Variants in NLGN1 observed in about 807,000 individuals in gnomAD.
NLGN1 encodes neuroligin-1.
Under a neutral mutation model 65.5 loss-of-function variants are expected in NLGN1, and 12 were observed. That is an observed-to-expected ratio of 0.18 (90% CI 0.12 to 0.30). The LOEUF is 0.30. NLGN1 is among the 10% of genes least tolerant of loss of function. NLGN1 has a pLI of 1.00. For synonymous variants in NLGN1, 350 were observed against 359.5 expected (o/e 0.97, Z 0.30); for missense variants, 750 against 1,007.1 (o/e 0.74, Z 3.46).
chr3:173,662,219 T>C (rs1577812147), intron 3 of NLGN1, among the ~76,000 whole-genome samples: 1 of 152,194 alleles, frequency 6.6e-6, no homozygotes, highest in East Asian at 1.9e-4. Context: ...CCAATTCCAT[T>C]GCCAAATAGG....
intron 4 of NLGN1, among the ~76,000 whole-genome samples, chr3:174,183,697 C>G (rs568395663): frequency 6.6e-6 from 1 of 152,146 alleles, no homozygotes; most frequent in Non-Finnish European, 1.5e-5. Context: ...CATGTGCACA[C>G]ATACACAACA....
In NLGN1 at chr3:173,418,171, T is replaced by G. The variant is rs541455438; in HGVS notation, c.-389-16839T>G. 7.1e-5 allele frequency among the ~76,000 whole-genome samples: 10 copies of G among 140,160 alleles called. No individual in the cohort carries two copies. The South Asian group carries it at 2.3e-3, about 32-fold the overall frequency. 92.0% of individuals were successfully genotyped at this position (140,160 alleles called of 152,430 possible). The stretch of plus-strand genomic sequence containing the variant: ...CTTTCACATATTAATATGTGAAATA[T>G]TAGAAGGCATAATTATAATATAATT... On this transcript the variant is annotated intron_variant, in intron 1 of 6. Transcript: ENST00000457714.
At chr3:173,490,667 C>G (rs1174304795) in intron 2 of NLGN1, among the ~76,000 whole-genome samples, 2 of 152,126 alleles carry the variant, frequency 1.3e-5, no homozygotes, top group East Asian at 3.8e-4. Context: ...GGCATTGAAT[C>G]TATAAATTAC....
At chr3:173,914,780 T>C (rs368987886) in intron 4 of NLGN1, 1 of 152,284 alleles carries the variant, frequency 6.6e-6, no homozygotes, top group Non-Finnish European at 1.5e-5. Context: ...TTTCCTGATA[T>C]AGGCTCTTCA....
chr3:173,622,735 G>A (rs1034999271), intron 3 of NLGN1, among the ~76,000 whole-genome samples: 12 of 152,054 alleles, frequency 7.9e-5, no homozygotes, highest in Non-Finnish European at 1.3e-4. Context: ...TTACACCCAT[G>A]GCATTTAACA....
chr3:173,781,709 G>A (rs577372725), intron 3 of NLGN1, among the ~76,000 whole-genome samples: 2 of 152,136 alleles, frequency 1.3e-5, no homozygotes, highest in African/African-American at 4.8e-5. Context: ...GGATTTGTAG[G>A]ACAAATATGT....
intron 4 of NLGN1, among the ~76,000 whole-genome samples, chr3:173,996,021 G>A (rs1424485343): frequency 2.0e-5 from 3 of 152,028 alleles, no homozygotes; most frequent in Admixed American, 6.6e-5. Flanking sequence ...AATCACTTTA[G>A]TTTGTTTTAA....
At chr3:174,178,393 T>G (rs751404668) in intron 4 of NLGN1, among the ~76,000 whole-genome samples, 1 of 152,132 alleles carries the variant, frequency 6.6e-6, no homozygotes, top group Non-Finnish European at 1.5e-5. Flanking sequence ...ATGGAACAGA[T>G]GAAAGTGCCC....
chr3:173,579,833 G>A (rs1377202646), intron 2 of NLGN1, among the ~76,000 whole-genome samples: 1 of 152,028 alleles, frequency 6.6e-6, no homozygotes, highest in East Asian at 1.9e-4. Context: ...CTTAATATGA[G>A]GTTACATCAG....
At chr3:174,236,239 T>A (rs1252159954) in intron 4 of NLGN1, among the ~76,000 whole-genome samples, 2 of 152,138 alleles carry the variant, frequency 1.3e-5, no homozygotes, top group Non-Finnish European at 2.9e-5. Context: ...AATACCAGTA[T>A]GTTACTCGAA....
Position 173,547,425 on chromosome 3 carries a change from G to T in NLGN1, c.-320-56854G>T, listed in dbSNP as rs1031826346. On this transcript the variant is annotated intron_variant, in intron 2 of 6. Coordinates refer to ENST00000457714, the Ensembl canonical transcript of NLGN1. ...TCGGGTCATTATGCCTTTGATAAAT[G>T]AATGTGCTGCGGAGCCTGGGTTTCC... Among the ~76,000 whole-genome samples the T allele has an allele frequency of 2.6e-5, 4 of 152,142 alleles. No individual in the cohort carries two copies. In the East Asian group the frequency reaches 7.7e-4, roughly 29 times the overall value.
intron 4 of NLGN1, among the ~76,000 whole-genome samples, chr3:174,200,548 C>G (rs1032319998): frequency 6.6e-6 from 1 of 152,024 alleles, no homozygotes; most frequent in South Asian, 2.1e-4. Context: ...GTATAGCAGA[C>G]GAGGTGAAGC....
chr3:173,718,342 C>T (rs977601332), intron 3 of NLGN1, among the ~76,000 whole-genome samples: 1 of 152,106 alleles, frequency 6.6e-6, no homozygotes, highest in Non-Finnish European at 1.5e-5. Context: ...CTACTCCCTA[C>T]CTCCATGAAA....
chr3:173,939,711 T>A lies in NLGN1; in HGVS notation c.646+131879T>A, dbSNP rs535350382. 2.0e-5 allele frequency among the ~76,000 whole-genome samples: 3 copies of A among 152,318 alleles called. No homozygotes were observed. The South Asian group carries it at 6.2e-4, about 32-fold the overall frequency. On this transcript the variant is annotated intron_variant, in intron 4 of 6. Coordinates refer to ENST00000457714, the Ensembl canonical transcript of NLGN1. ...AAAAAAATCATTTCAAAATTTCTTT[T>A]AATAGAGAATTCAATGCTTGTTTTG...
At chr3:173,940,080 CTTT>C (rs531013909) in intron 4 of NLGN1, among the ~76,000 whole-genome samples, 116 of 75,402 alleles carry the variant, frequency 1.5e-3, no homozygotes, top group African/African-American at 6.7e-3. Context: ...ATAGTTATAG[CTTT>C]TTTTTTTTTT....
intron 4 of NLGN1, among the ~76,000 whole-genome samples, chr3:174,031,460 T>C (rs1296230440): frequency 6.6e-6 from 1 of 152,030 alleles, no homozygotes; most frequent in African/African-American, 2.4e-5. Flanking sequence ...TAAAGGTTTG[T>C]GATAAAAAAC....
chr3:173,847,836 C>T (rs1367937359), intron 4 of NLGN1, among the ~76,000 whole-genome samples: 2 of 152,106 alleles, frequency 1.3e-5, no homozygotes, highest in African/African-American at 4.8e-5. Flanking sequence ...CACATCACTG[C>T]ACTCTAGCCT....
intron 4 of NLGN1, among the ~76,000 whole-genome samples, chr3:174,112,479 C>A (rs142712749): frequency 6.6e-6 from 1 of 152,002 alleles, no homozygotes; most frequent in East Asian, 1.9e-4. Context: ...CTGAACCGAT[C>A]ACAGCAACTT....
chr3:173,636,071 T>C (rs1756533059), intron 3 of NLGN1, among the ~76,000 whole-genome samples: 2 of 152,144 alleles, frequency 1.3e-5, no homozygotes, highest in South Asian at 4.1e-4. Context: ...ATTTGGTAAA[T>C]TGCCTATCGT....
Sources: allele counts gnomAD v4.1 joint callset (sites outside exome capture counted in the v4.1 genomes callset), GRCh38; gene constraint gnomAD v4.1.1; transcripts MANE v1.5; gene names NCBI Gene and HGNC (gene_info 2026-07-23, HGNC 2026-07-21).